CBLB: variants seen among roughly 807,000 people sequenced by gnomAD.
CBLB encodes Cbl proto-oncogene B, also known as E3 ubiquitin-protein ligase CBL-B.
CBLB carries 31 observed loss-of-function variants against 104.9 expected under a neutral mutation model. That is an observed-to-expected ratio of 0.30 (90% CI 0.22 to 0.40). CBLB has a LOEUF of 0.40. Among genes scored for constraint, CBLB ranks in the 10% least tolerant of loss-of-function variants. CBLB has a pLI of 1.00. For synonymous variants in CBLB, 440 were observed against 422.6 expected (o/e 1.04, Z -0.51); for missense variants, 1,062 against 1,214.6 (o/e 0.87, Z 1.87).
intron 4 of CBLB, among the ~76,000 whole-genome samples, chr3:105,771,549 A>G (rs2078874354): frequency 6.6e-6 from 1 of 152,168 alleles, no homozygotes. Context: ...CCAATAAAAA[A>G]AAAGAAAGAA....
At chr3:105,740,328 T>C (rs1028196207) in intron 7 of CBLB, among the ~76,000 whole-genome samples, 166 bp downstream of exon 7, 6 of 152,226 alleles carry the variant, frequency 3.9e-5, no homozygotes, top group African/African-American at 1.4e-4. Flanking sequence ...TTAGGTTACC[T>C]TAAAATGATT....
At chr3:105,793,592 T>C (rs2081940750) in intron 3 of CBLB, among the ~76,000 whole-genome samples, 1 of 152,090 alleles carries the variant, frequency 6.6e-6, no homozygotes, top group African/African-American at 2.4e-5. Context: ...CATTAATATT[T>C]TCACACAAGA....
chr3:105,730,263 A>G (rs1383404716), intron 9 of CBLB, among the ~76,000 whole-genome samples: 1 of 152,084 alleles, frequency 6.6e-6, no homozygotes. Context: ...ACAATGTAAA[A>G]TGTTAAGGAA....
intron 3 of CBLB, among the ~76,000 whole-genome samples, chr3:105,840,098 A>G (rs2089313362): frequency 6.6e-6 from 1 of 152,226 alleles, no homozygotes; most frequent in Non-Finnish European, 1.5e-5. Flanking sequence ...TATGCCCTAC[A>G]AAAACCTTCA....
upstream of CBLB, chr3:105,869,017 C>CA: frequency 1.8e-6 from 2 of 1,088,868 alleles, no homozygotes; most frequent in East Asian, 1.0e-4. Flanking sequence ...CTGGACACCC[C>CA]ACCCCTGTGG....
At chr3:105,666,231 T>C (rs2064441590) in intron 18 of CBLB, among the ~76,000 whole-genome samples, 2 of 152,124 alleles carry the variant, frequency 1.3e-5, no homozygotes, top group African/African-American at 4.8e-5. Flanking sequence ...CCTTCTCAAC[T>C]ATAACAATAA....
At chr3:105,661,181 A>C (rs2063757573) in intron 18 of CBLB, among the ~76,000 whole-genome samples, 1 of 152,176 alleles carries the variant, frequency 6.6e-6, no homozygotes, top group South Asian at 2.1e-4. Context: ...GCTGTAGACA[A>C]TGTATATTAA....
At chr3:105,858,758 T>C (rs2091844748) in intron 2 of CBLB, among the ~76,000 whole-genome samples, 1 of 152,194 alleles carries the variant, frequency 6.6e-6, no homozygotes, top group Admixed American at 6.5e-5. Context: ...AATACAGAAC[T>C]AGAACCTAAC....
At chr3:105,790,438 G>A (rs1560254002) in intron 3 of CBLB, among the ~76,000 whole-genome samples, 1 of 152,116 alleles carries the variant, frequency 6.6e-6, no homozygotes. Context: ...GATTTTATAT[G>A]CATGAAAATT....
At chr3:105,665,824 T>A (rs574750513) in intron 18 of CBLB, among the ~76,000 whole-genome samples, 6 of 150,890 alleles carry the variant, frequency 4.0e-5, no homozygotes, top group Admixed American at 3.3e-4. Flanking sequence ...AGGTCAAGAG[T>A]TTGAGATCAG....
At position 105,702,476 on chromosome 3, in the gene CBLB, GAA is replaced by G. The variant is rs34208930; in HGVS notation, c.1594-19_1594-18del. On this transcript the variant is annotated intron_variant, in intron 11 of 18. Transcript: ENST00000394030. ...AGGAGAAGACTAAAGAAACAGAAGAGAAAAAAAAAAAAAAAAAAAAAAACTAA... is the reference window on the plus strand; with the variant it reads ...AGGAGAAGACTAAAGAAACAGAAGAGAAAAAAAAAAAAAAAAAAAAACTAA... 4,356 of 277,860 alleles carry G rather than the reference GAA, an allele frequency of 0.016. 3 individuals are homozygous for G. Among genetic ancestry groups the G allele is most frequent in the African/African-American group, 0.026 (526 of 20,354 alleles). 17.2% of individuals were successfully genotyped at this position (277,860 alleles called of 1,614,324 possible).
At chr3:105,824,110 A>G (rs2086247567) in intron 3 of CBLB, 1 of 152,080 alleles carries the variant, frequency 6.6e-6, no homozygotes, top group Non-Finnish European at 1.5e-5. Flanking sequence ...GGGAATCCCA[A>G]ACTTAAGCTT....
intron 10 of CBLB, among the ~76,000 whole-genome samples, chr3:105,707,262 T>G (rs1013454633): frequency 1.3e-5 from 2 of 152,216 alleles, no homozygotes; most frequent in Admixed American, 6.5e-5. Flanking sequence ...CAATTCATAC[T>G]GTGTTCTGAA....
At chr3:105,679,480 A>G (rs546221275) in intron 16 of CBLB, among the ~76,000 whole-genome samples, 2 of 152,274 alleles carry the variant, frequency 1.3e-5, no homozygotes, top group East Asian at 1.9e-4. Context: ...ATAATGGCAT[A>G]TTTAAAGAAA....
At chr3:105,727,120 A>C (rs1016801857) in intron 9 of CBLB, among the ~76,000 whole-genome samples, 4 of 152,234 alleles carry the variant, frequency 2.6e-5, no homozygotes, top group Admixed American at 2.6e-4. Flanking sequence ...TCCTTGAGGA[A>C]TCACCACACC....
chr3:105,866,118 G>A (rs867016570), intron 2 of CBLB, among the ~76,000 whole-genome samples: 10 of 152,274 alleles, frequency 6.6e-5, no homozygotes, highest in Middle Eastern at 3.4e-3. Context: ...TGGCAGAAGC[G>A]TAAATAGGTC....
rs372737277 is a variant in CBLB at position 105,811,622 on chromosome 3, A to G, written c.420-35080T>C. 1.1e-4 allele frequency among the ~76,000 whole-genome samples: 16 copies of G among 152,352 alleles called. No homozygotes were observed. The East Asian group carries it at 2.7e-3, about 26-fold the overall frequency. On this transcript the variant is annotated intron_variant, in intron 3 of 18. Transcript: ENST00000394030. The stretch of plus-strand genomic sequence containing the variant: ...CAAACTGGGTAAAGTTTCAAAATAA[A>G]AAGCTTTAAAAGAGAGACAGACAGA...
intron 18 of CBLB, among the ~76,000 whole-genome samples, chr3:105,660,372 A>G (rs2152665516): frequency 6.7e-6 from 1 of 149,728 alleles, no homozygotes; most frequent in South Asian, 2.1e-4. Context: ...TTTTTTTCCC[A>G]GTGGAGACAG....
At chr3:105,760,862 G>A (rs2077553341) in intron 4 of CBLB, among the ~76,000 whole-genome samples, 1 of 151,900 alleles carries the variant, frequency 6.6e-6, no homozygotes, top group South Asian at 2.1e-4. Context: ...TAACTCCTTT[G>A]TTATTAAAGA....
Sources: gnomAD v4.1 joint callset for allele counts (sites outside exome capture counted in the v4.1 genomes callset) on GRCh38, gnomAD v4.1.1 for gene constraint, MANE v1.5 for transcripts, NCBI Gene and HGNC (gene_info 2026-07-23, HGNC 2026-07-21) for gene names.